The following RASA3 variants were observed in gnomAD, a reference collection of about 807,000 sequenced individuals.
RASA3 encodes the protein ras GTPase-activating protein 3.
Under a neutral mutation model 110.0 loss-of-function variants are expected in RASA3, and 73 were observed. That is an observed-to-expected ratio of 0.66 (90% CI 0.55 to 0.81). The LOEUF (loss-of-function observed/expected upper bound fraction) is 0.81. Ranked by LOEUF, RASA3 falls within the 30% of genes least tolerant of loss-of-function variation. RASA3 has a pLI of 0.00. For missense variants in RASA3, 976 were observed against 1,113.2 expected, an observed-to-expected ratio of 0.88 and a Z score of 1.75; for synonymous variants, 500 against 451.4, an observed-to-expected ratio of 1.11 and a Z score of -1.37.
chr13:114,050,565 G>A (rs2079127901), intron 3 of RASA3, among the ~76,000 whole-genome samples: 1 of 152,244 alleles, frequency 6.6e-6, no homozygotes, highest in South Asian at 2.1e-4. Flanking sequence ...CCTTATCAAT[G>A]CCAGGTGAGG....
chr13:114,064,671 C>T (rs2139631328), intron 2 of RASA3, among the ~76,000 whole-genome samples: 1 of 152,366 alleles, frequency 6.6e-6, no homozygotes, highest in Admixed American at 6.5e-5. Context: ...GCCGGACAAT[C>T]TCTTCTTTCT....
At chr13:114,035,342 C>G (rs898222372) in intron 4 of RASA3, among the ~76,000 whole-genome samples, 13 of 152,218 alleles carry the variant, frequency 8.5e-5, no homozygotes, top group African/African-American at 3.1e-4. Context: ...GTCCCTGGCG[C>G]TGCACTCCTG....
Position 114,114,908 on chromosome 13 carries a change from G to A in RASA3, c.55+17527C>T, listed in dbSNP as rs966796541. ...TAAGCTGGTAAGCTGGGAAATTCCCGGGCACGACCCCTGGCCGTGGGTGAA... is the reference window on the plus strand; with the variant it reads ...TAAGCTGGTAAGCTGGGAAATTCCCAGGCACGACCCCTGGCCGTGGGTGAA... On this transcript the variant is annotated intron_variant, in intron 1 of 23. Transcript: ENST00000334062. This position sits in a 1 kb window ranked among gnomAD's most constrained non-coding sequence, Gnocchi z 4.8. Among the ~76,000 whole-genome samples the A allele has an allele frequency of 2.6e-5, 4 of 152,222 alleles. No homozygotes were observed. The highest frequency in any genetic ancestry group is 5.9e-5 in the Non-Finnish European group (4 of 67,994).
At chr13:114,074,507 T>C (rs1186826323) in intron 1 of RASA3, among the ~76,000 whole-genome samples, 1 of 152,274 alleles carries the variant, frequency 6.6e-6, no homozygotes, top group Admixed American at 6.5e-5. Context: ...CTCGTCTTGC[T>C]TATTCATTTA....
At chr13:114,077,507 C>T in intron 1 of RASA3, among the ~76,000 whole-genome samples, 1 of 148,540 alleles carries the variant, frequency 6.7e-6, no homozygotes, top group South Asian at 2.2e-4. Context: ...TCCCCCCACA[C>T]TGGCACCAAC....
intron 22 of RASA3, among the ~76,000 whole-genome samples, chr13:113,990,819 G>A (rs1424124967): frequency 6.6e-6 from 1 of 152,240 alleles, no homozygotes; most frequent in South Asian, 2.1e-4. Flanking sequence ...GCACACACAT[G>A]TACCTGTATG....
At chr13:114,058,121 G>C (rs750552192) in intron 2 of RASA3, among the ~76,000 whole-genome samples, 2 of 152,138 alleles carry the variant, frequency 1.3e-5, no homozygotes, top group Non-Finnish European at 2.9e-5. Flanking sequence ...AGGGGTGTGA[G>C]GACAGGGGCG....
At position 114,052,176 on chromosome 13, in the gene RASA3, G is replaced by A. The variant is rs371222467; in HGVS notation, c.174-21C>T. On this transcript the variant is annotated intron_variant, in intron 2 of 23. Coordinates refer to ENST00000334062, the MANE Select transcript of RASA3 (RefSeq NM_007368.4). Reference sequence around the variant, plus strand: ...ACGGGCTAGTGAGACAAAGAAAAGCGCCAGTTAGAACACAGGCCACGCTTG... The same window carrying A: ...ACGGGCTAGTGAGACAAAGAAAAGCACCAGTTAGAACACAGGCCACGCTTG... 29 of 1,564,078 alleles carry A rather than the reference G, an allele frequency of 1.9e-5. No homozygotes were observed. The African/African-American group carries it at 2.3e-4, about 12-fold the overall frequency.
chr13:114,012,930 ACTC>A (rs71716252), intron 15 of RASA3, among the ~76,000 whole-genome samples: 7,790 of 101,946 alleles, frequency 0.076, 771 homozygotes, highest in Middle Eastern at 0.16. Flanking sequence ...CACTCCACAC[ACTC>A]CTCATTCCAC....
intron 2 of RASA3, among the ~76,000 whole-genome samples, chr13:114,055,171 G>T (rs1258259243): frequency 6.6e-6 from 1 of 152,140 alleles, no homozygotes; most frequent in Non-Finnish European, 1.5e-5. Flanking sequence ...CGTGTGCATG[G>T]GTGTGTGCAT....
At chr13:114,043,647 C>T (rs896838993) in intron 3 of RASA3, among the ~76,000 whole-genome samples, 2 of 152,040 alleles carry the variant, frequency 1.3e-5, no homozygotes, top group Non-Finnish European at 2.9e-5. Context: ...CAGGCGAGAG[C>T]CAAATCAAGA....
chr13:114,102,734 G>A (rs1051686837), intron 1 of RASA3, among the ~76,000 whole-genome samples: 2 of 152,172 alleles, frequency 1.3e-5, no homozygotes, highest in African/African-American at 4.8e-5. Context: ...CTACCCCCAG[G>A]GCGACGCTCC....
At chr13:114,129,160 G>A (rs900322616) in intron 1 of RASA3, among the ~76,000 whole-genome samples, 6 of 152,242 alleles carry the variant, frequency 3.9e-5, no homozygotes, top group Admixed American at 6.5e-5. Context: ...TGGAAAGTCC[G>A]AAGCACAGGC....
At position 114,040,054 on chromosome 13, in the gene RASA3, G is replaced by C. The variant is rs145683046; in HGVS notation, c.372+946C>G. On this transcript the variant is annotated intron_variant, in intron 4 of 23. Coordinates refer to ENST00000334062, the MANE Select transcript of RASA3 (RefSeq NM_007368.4). ...CCTGGCTCGGCCCTTCCCCACCCAT[G>C]TTTTCTCTTGGGCCTCAATGACGCG... Among the ~76,000 whole-genome samples the C allele has an allele frequency of 2.2e-3, 329 of 152,362 alleles. 1 individual carries two copies. The highest frequency in any genetic ancestry group is 7.5e-3 in the African/African-American group (310 of 41,574).
At chr13:114,119,676 G>A (rs111536511) in intron 1 of RASA3, among the ~76,000 whole-genome samples, 9 of 11,530 alleles carry the variant, frequency 7.8e-4, no homozygotes, top group East Asian at 3.1e-3. Flanking sequence ...CTCCAGCCAG[G>A]CGTCGATCAG....
chr13:114,058,314 C>G (rs549850518), intron 2 of RASA3, among the ~76,000 whole-genome samples: 1 of 152,300 alleles, frequency 6.6e-6, no homozygotes, highest in South Asian at 2.1e-4. Flanking sequence ...ACGCGTCCAG[C>G]AGGAAGAGCG....
At chr13:114,107,118 G>C (rs929884846) in intron 1 of RASA3, among the ~76,000 whole-genome samples, 1 of 152,170 alleles carries the variant, frequency 6.6e-6, no homozygotes, top group Non-Finnish European at 1.5e-5. Flanking sequence ...ATCCAGCCAC[G>C]GTCTGCGGAC....
chr13:114,102,891 G>GC (rs2080078187), intron 1 of RASA3, among the ~76,000 whole-genome samples: 1 of 151,736 alleles, frequency 6.6e-6, no homozygotes. Context: ...AGCCGGCAGT[G>GC]CCACCCACCC....
At chr13:114,071,746 C>T (rs569548865) in intron 2 of RASA3, among the ~76,000 whole-genome samples, 2 of 152,284 alleles carry the variant, frequency 1.3e-5, no homozygotes, top group South Asian at 2.1e-4. Context: ...AGGGCAGCTG[C>T]GCCAAAGCCT....
Sources: allele counts gnomAD v4.1 joint callset (sites outside exome capture counted in the v4.1 genomes callset), GRCh38; gene constraint gnomAD v4.1.1; non-coding constraint Gnocchi (gnomAD v3.1); transcripts MANE v1.5; gene names NCBI Gene and HGNC (gene_info 2026-07-23, HGNC 2026-07-21).